Variants in ZNF341 observed in about 807,000 individuals in gnomAD.
ZNF341 encodes the protein zinc finger protein 341.
Under a neutral mutation model 87.7 loss-of-function variants are expected in ZNF341, and 52 were observed. The ratio of observed to expected loss-of-function variants is 0.59; its 90% CI spans 0.47 to 0.75. The LOEUF (loss-of-function observed/expected upper bound fraction) is 0.75, where lower values mean the gene tolerates loss of function less well. Ranked by LOEUF, ZNF341 falls within the 30% of genes least tolerant of loss-of-function variation. The pLI is 0.00. For missense variants in ZNF341, 977 were observed against 1,145.9 expected, an observed-to-expected ratio of 0.85 and a Z score of 2.13; for synonymous variants, 459 against 472.7, an observed-to-expected ratio of 0.97 and a Z score of 0.38.
chr20:33,784,863 G>A (rs1252826347), intron 12 of ZNF341, among the ~76,000 whole-genome samples: 1 of 152,046 alleles, frequency 6.6e-6, no homozygotes, highest in Non-Finnish European at 1.5e-5. Flanking sequence ...TGATCCTCCT[G>A]CCTCGGCCTC....
intron 12 of ZNF341, among the ~76,000 whole-genome samples, chr20:33,786,296 G>A (rs1177399859): frequency 1.3e-5 from 2 of 152,078 alleles, no homozygotes; most frequent in Non-Finnish European, 2.9e-5. Context: ...GAGCCATCAC[G>A]CCCAGCCTAT....
At chr20:33,752,127 T>A (rs1442730226) in intron 4 of ZNF341, 12 of 389,564 alleles carry the variant, frequency 3.1e-5, no homozygotes, top group African/African-American at 1.3e-4. Flanking sequence ...CCTTTTTTTT[T>A]AATTTTATAA....
At chr20:33,786,544 A>G (rs1338200081) in intron 12 of ZNF341, among the ~76,000 whole-genome samples, 1 of 152,236 alleles carries the variant, frequency 6.6e-6, no homozygotes, top group Non-Finnish European at 1.5e-5. Flanking sequence ...CTATACACTT[A>G]AAAGAAGCTT....
chr20:33,735,704 G>A (rs757633320), intron 1 of ZNF341, among the ~76,000 whole-genome samples: 7 of 152,048 alleles, frequency 4.6e-5, no homozygotes, highest in Non-Finnish European at 8.8e-5. Context: ...GAGATCCCAC[G>A]TGTCCTTGAC....
chr20:33,733,219 T>G (rs889562019), intron 1 of ZNF341, among the ~76,000 whole-genome samples: 2 of 118,558 alleles, frequency 1.7e-5, no homozygotes, highest in Non-Finnish European at 3.5e-5. Flanking sequence ...GCTAATTTCC[T>G]TTTTTTTTTT....
chr20:33,742,159 A>C (rs1255535645), intron 2 of ZNF341, among the ~76,000 whole-genome samples: 1 of 152,148 alleles, frequency 6.6e-6, no homozygotes, highest in East Asian at 1.9e-4. Flanking sequence ...TCCAGCCAAC[A>C]TGAAGGGAAG....
rs1207945540 is a variant in ZNF341, at chr20:33,743,381, C to T, written c.143-1722C>T. On this transcript the variant is annotated intron_variant, in intron 2 of 14. Transcript: ENST00000375200. ...TTTGAGACAGAGTCTTGCTCTGTTGCCCAGGCTGGAGTGCAGTGGTGTGAT... is the reference window on the plus strand; with the variant it reads ...TTTGAGACAGAGTCTTGCTCTGTTGTCCAGGCTGGAGTGCAGTGGTGTGAT... Among the ~76,000 whole-genome samples, 3 of 145,438 alleles carry T rather than the reference C, an allele frequency of 2.1e-5. No individual in the cohort carries two copies. In the Admixed American group the frequency reaches 2.1e-4, roughly 10 times the overall value.
intron 8 of ZNF341, among the ~76,000 whole-genome samples, chr20:33,766,109 T>G (rs778434220): frequency 6.6e-6 from 1 of 152,146 alleles, no homozygotes; most frequent in Non-Finnish European, 1.5e-5. Flanking sequence ...GGTCTCGAAC[T>G]CCTGAACTCA....
At position 33,741,031 on chromosome 20, in the gene ZNF341, T is replaced by C; in HGVS notation, c.142+19T>C. 6.2e-7 allele frequency: 1 copy of C among 1,609,832 alleles called. No individual in the cohort carries two copies. Among genetic ancestry groups the C allele is most frequent in the Non-Finnish European group, 8.5e-7 (1 of 1,176,112 alleles). On this transcript the variant is annotated intron_variant, in intron 2 of 14. Coordinates refer to ENST00000375200, the MANE Select transcript of ZNF341 (RefSeq NM_001282933.2). Reference sequence around the variant, plus strand: ...CCATTGGGTGAGTATCTGCTCAGGTTCACCGGTGGGAGAGTGAATGGCTCC... The same window carrying C: ...CCATTGGGTGAGTATCTGCTCAGGTCCACCGGTGGGAGAGTGAATGGCTCC...
intron 6 of ZNF341, among the ~76,000 whole-genome samples, chr20:33,757,612 G>GT (rs1422194541): frequency 6.6e-6 from 1 of 152,148 alleles, no homozygotes; most frequent in East Asian, 1.9e-4. Flanking sequence ...CCAGAACATG[G>GT]TATCAGTTAT....
At chr20:33,769,279 A>G (rs1156484801) in intron 9 of ZNF341, among the ~76,000 whole-genome samples, 1 of 151,158 alleles carries the variant, frequency 6.6e-6, no homozygotes, top group African/African-American at 2.4e-5. Context: ...GGCCAGCAGC[A>G]CCAGCATCCC....
At position 33,789,558 on chromosome 20, in the gene ZNF341, A is replaced by G; in HGVS notation, c.2005A>G (p.Lys669Glu). ...CAGTAAGGAGTTCAACCGGCCGGAC[A>G]AGCTGAAGGCCCACATCCTCTCCCA... is the stretch of plus-strand genomic sequence containing the variant. ...GCSKEFNRPD[K>E]LKAHILSHSG... Residue 669 changes from lysine (K) to glutamate (E), a missense_variant, in exon 14 of 15, where the codon AAG (lysine) becomes GAG (glutamate). Around this residue, in one of 3 missense-constraint regions of ZNF341, gnomAD observed 241 missense variants for 335.0 expected, o/e 0.72. Coordinates refer to ENST00000375200, the MANE Select transcript of ZNF341 (RefSeq NM_001282933.2). 1 of 1,614,066 alleles carries G rather than the reference A, an allele frequency of 6.2e-7. No homozygotes were observed.
At chr20:33,751,374 C>T (rs1208072215) in intron 4 of ZNF341, among the ~76,000 whole-genome samples, 3 of 152,062 alleles carry the variant, frequency 2.0e-5, no homozygotes, top group Non-Finnish European at 4.4e-5. Flanking sequence ...AGCAAAGGAA[C>T]ACACAGCAAG....
At chr20:33,782,561 G>A (rs1601287707) in intron 11 of ZNF341, among the ~76,000 whole-genome samples, 2 of 152,166 alleles carry the variant, frequency 1.3e-5, no homozygotes, top group South Asian at 2.1e-4. Context: ...GTTGTGGTCC[G>A]AGTAAAAGAT....
At chr20:33,788,635 T>C in intron 12 of ZNF341, 2 of 549,854 alleles carry the variant, frequency 3.6e-6, no homozygotes, top group East Asian at 6.5e-5. Flanking sequence ...TGACCTGAGG[T>C]CTCTCCTCAT....
At chr20:33,752,101 C>T in intron 4 of ZNF341, 6 of 399,532 alleles carry the variant, frequency 1.5e-5, no homozygotes, top group Non-Finnish European at 2.9e-5. Flanking sequence ...GCTAGTGCTG[C>T]AAGCAAGCCC....
At chr20:33,744,139 C>T (rs1262392639) in intron 2 of ZNF341, among the ~76,000 whole-genome samples, 3 of 151,928 alleles carry the variant, frequency 2.0e-5, no homozygotes, top group Non-Finnish European at 4.4e-5. Flanking sequence ...AAAAATTAGC[C>T]GGGCGTGGTG....
intron 12 of ZNF341, among the ~76,000 whole-genome samples, chr20:33,785,922 GC>G (rs370224728): frequency 2.0e-5 from 3 of 150,458 alleles, no homozygotes; most frequent in South Asian, 2.1e-4. Context: ...CCTCCCCCGG[GC>G]CCCCCCCAGA....
At chr20:33,759,577 C>A (rs1182123660) in intron 7 of ZNF341, among the ~76,000 whole-genome samples, 2 of 152,138 alleles carry the variant, frequency 1.3e-5, no homozygotes, top group African/African-American at 2.4e-5. Flanking sequence ...AGCCACCGTG[C>A]CTGGCCGATG....
Sources: allele counts gnomAD v4.1 joint callset (sites outside exome capture counted in the v4.1 genomes callset), GRCh38; gene constraint gnomAD v4.1.1; regional missense constraint gnomAD v4.1.1; transcripts MANE v1.5; gene names NCBI Gene and HGNC (gene_info 2026-07-23, HGNC 2026-07-21).